CHD1L: variants seen among roughly 807,000 people sequenced by gnomAD.
CHD1L encodes the protein ATP-dependent chromatin remodeler CHD1L.
A neutral mutation model predicts 115.9 loss-of-function variants in CHD1L; 118 were observed. The ratio of observed to expected loss-of-function variants is 1.02; its 90% CI spans 0.88 to 1.19. The LOEUF (loss-of-function observed/expected upper bound fraction) is 1.19, where lower values mean the gene tolerates loss of function less well. Among genes scored for constraint, CHD1L ranks in the 50% most tolerant of loss-of-function variants. The pLI is 0.00. For synonymous variants in CHD1L, 411 were observed against 387.1 expected (o/e 1.06, Z -0.72); for missense variants, 1,179 against 1,065.3 (o/e 1.11, Z -1.49).
intron 7 of CHD1L, among the ~76,000 whole-genome samples, chr1:147,265,662 A>G (rs1673596164): frequency 6.6e-6 from 1 of 152,178 alleles, no homozygotes; most frequent in South Asian, 2.1e-4. Flanking sequence ...GATTAAACGC[A>G]AAAATATTCT....
chr1:147,182,101 C>T, the CHD1L span, among the ~76,000 whole-genome samples: 1 of 152,154 alleles, frequency 6.6e-6, no homozygotes, highest in Non-Finnish European at 1.5e-5. Flanking sequence ...TAGAGATCTA[C>T]CTCAACATTC....
the CHD1L span, among the ~76,000 whole-genome samples, chr1:147,199,676 T>A: frequency 6.6e-6 from 1 of 152,216 alleles, no homozygotes; most frequent in African/African-American, 2.4e-5. Flanking sequence ...AAGATCACTT[T>A]AATATGACTA....
chr1:147,174,545 T>C, the CHD1L span: 1 of 152,248 alleles, frequency 6.6e-6, no homozygotes, highest in Non-Finnish European at 1.5e-5. Flanking sequence ...TGGAAGATTA[T>C]CCATGACACT....
At chr1:147,224,861 T>A in the CHD1L span, 13 of 1,599,746 alleles carry the variant, frequency 8.1e-6, no homozygotes, top group East Asian at 2.2e-4. Context: ...GCAGGGAGGG[T>A]TTCAAGTATT....
chr1:147,221,263 C>G, the CHD1L span, among the ~76,000 whole-genome samples: 2 of 152,122 alleles, frequency 1.3e-5, no homozygotes, highest in African/African-American at 2.4e-5. Flanking sequence ...CTGAGTAAAT[C>G]TGAATAAAGT....
rs782175604 is a variant in CHD1L, at chr1:147,294,426, C to T, written c.2524C>T (p.Arg842Cys). ...CATAATAGCAAGTGTTCATCTTCCA[C>T]GTATTGGACATGCCACGAAAGGTTT... ...KKKKASVHLP[R>C]IGHATKGFNW... Residue 842 changes from arginine to cysteine, a missense_variant, in exon 22 of 23, where the codon CGT (arginine) becomes TGT (cysteine). Arg to Cys is a radical substitution (Grantham distance 180). Transcript: ENST00000369258. The T allele has an allele frequency of 1.2e-5, 19 of 1,610,614 alleles. No homozygotes were observed. The highest frequency in any genetic ancestry group is 5.1e-5 in the Admixed American group (3 of 59,392).
At chr1:147,174,767 T>C in the CHD1L span, 1 of 152,156 alleles carries the variant, frequency 6.6e-6, no homozygotes, top group Admixed American at 6.5e-5. Flanking sequence ...ATCAGTATAA[T>C]TGTTCCCTTT....
intron 14 of CHD1L, among the ~76,000 whole-genome samples, chr1:147,278,012 G>A (rs1363047681): frequency 5.3e-5 from 8 of 152,068 alleles, no homozygotes; most frequent in Non-Finnish European, 8.8e-5. Context: ...CAAACGAGTG[G>A]GAACATGGAC....
chr1:147,237,244 C>A, the CHD1L span, among the ~76,000 whole-genome samples: 2 of 152,164 alleles, frequency 1.3e-5, no homozygotes, highest in Non-Finnish European at 2.9e-5. Context: ...CACTTCTTAG[C>A]CTGCAGGAAT....
intron 9 of CHD1L, among the ~76,000 whole-genome samples, chr1:147,267,945 G>C (rs1321682750): frequency 6.6e-6 from 1 of 152,122 alleles, no homozygotes; most frequent in Non-Finnish European, 1.5e-5. Context: ...GACTCAGTCA[G>C]CCTTTCCTCA....
chr1:147,250,811 G>C (rs1018069312), intron 1 of CHD1L, among the ~76,000 whole-genome samples: 3 of 151,864 alleles, frequency 2.0e-5, no homozygotes, highest in Non-Finnish European at 4.4e-5. Context: ...TGAGGGGTGG[G>C]GGTGGTATGG....
At position 147,276,211 on chromosome 1, in the gene CHD1L, A is replaced by G. The variant is rs1553957797; in HGVS notation, c.1493A>G (p.His498Arg). Residue 498 changes from histidine to arginine, a missense_variant, in exon 14 of 23, where the codon CAT becomes CGT. Coordinates refer to ENST00000369258, the MANE Select transcript of CHD1L (RefSeq NM_004284.6). ...QLTNMIIEGG[H>R]FTLGAQKPAA... ...ACCAACATGATCATAGAAGGAGGCC[A>G]TTTTACTCTGGGAGCCCAGAAACCC... 1.2e-5 allele frequency: 20 copies of G among 1,614,174 alleles called. No homozygotes were observed. Among genetic ancestry groups the G allele is most frequent in the Admixed American group, 1.7e-5 (1 of 60,026 alleles).
intron 20 of CHD1L, 100 bp from the exon 21 acceptor site, chr1:147,293,508 C>A: frequency 1.1e-6 from 1 of 877,860 alleles, no homozygotes; most frequent in Non-Finnish European, 1.9e-6. Context: ...GAGCCAAGCC[C>A]AAGTGACCCA....
At chr1:147,240,381 A>G (rs1553930463), upstream of CHD1L, among the ~76,000 whole-genome samples, 1 of 152,248 alleles carries the variant, frequency 6.6e-6, no homozygotes, top group Non-Finnish European at 1.5e-5. Flanking sequence ...CAGAGACACA[A>G]TACACTGCGG....
At chr1:147,275,071 C>T (rs1571980914) in intron 12 of CHD1L, among the ~76,000 whole-genome samples, 1 of 152,290 alleles carries the variant, frequency 6.6e-6, no homozygotes, top group South Asian at 2.1e-4. Flanking sequence ...TAAAGTGGCT[C>T]CATGGCACTG....
the CHD1L span, among the ~76,000 whole-genome samples, chr1:147,235,655 G>A: frequency 6.6e-6 from 1 of 152,144 alleles, no homozygotes; most frequent in East Asian, 1.9e-4. Flanking sequence ...AGGCTTTATA[G>A]GGTTAGGGTA....
intron 19 of CHD1L, among the ~76,000 whole-genome samples, chr1:147,289,831 CAGA>C (rs1346049288): frequency 6.6e-6 from 1 of 152,166 alleles, no homozygotes; most frequent in Non-Finnish European, 1.5e-5. Flanking sequence ...AGGGTTTAGG[CAGA>C]AGAATAGAGG....
chr1:147,254,978 TAC>T lies in CHD1L; in HGVS notation c.347+4_347+5del. 1 of 1,583,672 alleles carries T rather than the reference TAC, an allele frequency of 6.3e-7. No individual in the cohort carries two copies. Among genetic ancestry groups the T allele is most frequent in the Non-Finnish European group, 8.6e-7 (1 of 1,166,922 alleles). ...CAACTGGAAAGAAGAAATGCAGAGG[TAC>T]AGAGTAGATGTAGCTGAAATTTTAT... is the stretch of plus-strand genomic sequence containing the variant. On this transcript the variant is annotated splice_donor_region_variant and intron_variant, in intron 3 of 22. Coordinates refer to ENST00000369258, the MANE Select transcript of CHD1L (RefSeq NM_004284.6).
At chr1:147,190,877 CCTGTGTCCATCTGTT>C in the CHD1L span, among the ~76,000 whole-genome samples, 16 of 152,036 alleles carry the variant, frequency 1.1e-4, no homozygotes, top group South Asian at 4.2e-4. Flanking sequence ...TGTTCCCCTT[CCTGTGTCCATCTGTT>C]CTGATTGTTC....
Sources: allele counts gnomAD v4.1 joint callset (sites outside exome capture counted in the v4.1 genomes callset), GRCh38; gene constraint gnomAD v4.1.1; transcripts MANE v1.5; gene names NCBI Gene and HGNC (gene_info 2026-07-23, HGNC 2026-07-21).